Variants in OTOGL observed in about 807,000 individuals in gnomAD.
OTOGL encodes otogelin like.
OTOGL carries 285 observed loss-of-function variants against 318.5 expected under a neutral mutation model. That is an observed-to-expected ratio of 0.89 (90% confidence interval 0.81 to 0.99). The LOEUF (loss-of-function observed/expected upper bound fraction) is 0.99, where lower values mean the gene tolerates loss of function less well. OTOGL is among the 50% of genes least tolerant of loss of function. OTOGL has a pLI of 0.00. For synonymous variants in OTOGL, 987 were observed against 936.5 expected, an observed-to-expected ratio of 1.05 and a Z score of -0.99; for missense variants, 2,899 against 2,845.6, an observed-to-expected ratio of 1.02 and a Z score of -0.43.
chr12:80,197,164 C>T (rs553956970), intron 1 of OTOGL, among the ~76,000 whole-genome samples: 17 of 152,222 alleles, frequency 1.1e-4, no homozygotes, highest in African/African-American at 3.4e-4. Flanking sequence ...CTTGGTAGCC[C>T]GCCATTTCAA....
At chr12:80,208,273 G>A (rs374494271) in intron 1 of OTOGL, 46 of 507,420 alleles carry the variant, frequency 9.1e-5, no homozygotes, top group African/African-American at 8.6e-4. Flanking sequence ...ACAGGAAACT[G>A]TTTATATAAT....
At position 80,353,506 on chromosome 12, in the gene OTOGL, G is replaced by T; in HGVS notation, c.5589G>T (p.Glu1863Asp). ...PHSAQCIPEK[E>D]CACTDSEDQP... ...CAGCCCAGTGCATTCCAGAGAAAGAGTGTGGTAAGACACAAAGTACAAAAT... is the reference window on the plus strand; with the variant it reads ...CAGCCCAGTGCATTCCAGAGAAAGATTGTGGTAAGACACAAAGTACAAAAT... The change falls in exon 46 of 59, where the codon GAG becomes GAT. Residue 1863 changes from glutamate (E) to aspartate (D), a missense_variant. Physicochemically the swap from Glu to Asp is conservative, Grantham distance 45 (BLOSUM62 2). Transcript: ENST00000547103. 1 of 1,550,430 alleles carries T rather than the reference G, an allele frequency of 6.4e-7. No individual in the cohort carries two copies.
intron 26 of OTOGL, among the ~76,000 whole-genome samples, 166 bp from the exon 27 acceptor site, chr12:80,296,661 A>T (rs1343057305): frequency 6.6e-6 from 1 of 151,874 alleles, no homozygotes; most frequent in South Asian, 2.1e-4. Flanking sequence ...ATATTTCTAT[A>T]GACTTCTTCA....
intron 1 of OTOGL, among the ~76,000 whole-genome samples, chr12:80,181,853 A>T (rs1360680259): frequency 6.6e-6 from 1 of 152,196 alleles, no homozygotes; most frequent in Non-Finnish European, 1.5e-5. Context: ...ATTAGGGCCA[A>T]TGCCTGATTG....
rs1237096159 is a variant in OTOGL, at chr12:80,358,209, T to C, written c.6020-39T>C. 3.0e-6 allele frequency: 4 copies of C among 1,339,646 alleles called. No homozygotes were observed. The South Asian group carries it at 4.9e-5, about 16-fold the overall frequency. 83.0% of individuals were successfully genotyped at this position (1,339,646 alleles called of 1,614,324 possible). ...AACTCATATTATAATTCATGGTTTT[T>C]AGCTCAGCTGTGATTTTTGGCTTCT... On this transcript the variant is annotated intron_variant, in intron 49 of 58. Transcript: ENST00000547103.
intron 1 of OTOGL, among the ~76,000 whole-genome samples, chr12:80,105,953 A>G (rs1401030227): frequency 4.6e-5 from 7 of 152,230 alleles, no homozygotes; most frequent in African/African-American, 1.7e-4. Flanking sequence ...CGTTTCCATA[A>G]AAACATGAGC....
chr12:80,186,778 G>A lies in OTOGL; in HGVS notation c.-19-22635G>A, dbSNP rs115039348. Reference sequence around the variant, plus strand: ...GTACAGTGCCTTGCTTAAGAGTTCAGTTAAAAACTGTTTGAAGTTTTGCTT... The same window carrying A: ...GTACAGTGCCTTGCTTAAGAGTTCAATTAAAAACTGTTTGAAGTTTTGCTT... On this transcript the variant is annotated intron_variant, in intron 1 of 58. Transcript: ENST00000547103. Among the ~76,000 whole-genome samples, 842 of 152,052 alleles carry A rather than the reference G, an allele frequency of 5.5e-3. 11 individuals carry two copies. Among genetic ancestry groups the A allele is most frequent in the African/African-American group, 0.019 (802 of 41,448 alleles).
intron 1 of OTOGL, among the ~76,000 whole-genome samples, chr12:80,133,041 A>G (rs1257250344): frequency 2.6e-5 from 4 of 152,176 alleles, no homozygotes; most frequent in Non-Finnish European, 5.9e-5. Context: ...ACTTATTTTA[A>G]GTTTAAAATA....
intron 38 of OTOGL, 74 bp downstream of exon 38, chr12:80,333,152 C>A: frequency 7.4e-7 from 1 of 1,347,538 alleles, no homozygotes; most frequent in Non-Finnish European, 1.0e-6. Flanking sequence ...TGTCAATATC[C>A]AAATGCTACT....
chr12:80,324,277 G>T (rs1025442510), intron 35 of OTOGL, among the ~76,000 whole-genome samples: 2 of 152,204 alleles, frequency 1.3e-5, no homozygotes, highest in Non-Finnish European at 2.9e-5. Context: ...GTGACATCTG[G>T]TCAGAGATCT....
intron 7 of OTOGL, among the ~76,000 whole-genome samples, chr12:80,223,305 A>G (rs926430177): frequency 1.3e-5 from 2 of 151,828 alleles, no homozygotes; most frequent in South Asian, 2.1e-4. Flanking sequence ...TATATATATC[A>G]TATTTTCTTT....
intron 1 of OTOGL, among the ~76,000 whole-genome samples, chr12:80,175,340 G>A (rs990441807): frequency 7.2e-5 from 11 of 152,116 alleles, no homozygotes; most frequent in African/African-American, 2.4e-4. Context: ...AATAATAGTG[G>A]CATATTAAGA....
chr12:80,118,304 C>T (rs887623744), intron 1 of OTOGL, among the ~76,000 whole-genome samples: 2 of 152,186 alleles, frequency 1.3e-5, no homozygotes, highest in Non-Finnish European at 2.9e-5. Context: ...AGGTCTTTCT[C>T]TGCTGCCATC....
At chr12:80,358,203 G>C in intron 49 of OTOGL, 45 bp from the exon 50 acceptor site, 1 of 1,262,938 alleles carries the variant, frequency 7.9e-7, no homozygotes, top group African/African-American at 1.5e-5. Flanking sequence ...TATAATTCAT[G>C]GTTTTTAGCT....
chr12:80,308,028 C>A lies in OTOGL; in HGVS notation c.3333+2333C>A, dbSNP rs576156147. ...GGCGCCCCTCACCTGCCGGACGGGG[C>A]GGCTGGCCGCGCGGGGGGCTGATCC... On this transcript the variant is annotated intron_variant, in intron 29 of 58. Coordinates refer to ENST00000547103, the MANE Select transcript of OTOGL (RefSeq NM_001378609.3). Among the ~76,000 whole-genome samples, 3 of 139,998 alleles carry A rather than the reference C, an allele frequency of 2.1e-5. No homozygotes were observed. The East Asian group carries it at 6.8e-4, about 32-fold the overall frequency. 91.8% of individuals were successfully genotyped at this position (139,998 alleles called of 152,430 possible). A position where few individuals can be genotyped will look rare whatever the true frequency, so the allele number is the denominator to read the frequency against.
chr12:80,125,862 T>C (rs913622005), intron 1 of OTOGL, among the ~76,000 whole-genome samples: 1 of 152,226 alleles, frequency 6.6e-6, no homozygotes, highest in Non-Finnish European at 1.5e-5. Flanking sequence ...GTAGTTTTTA[T>C]TTCTGTGGGA....
chr12:80,251,606 T>A, intron 11 of OTOGL, 87 bp from the exon 12 acceptor site: 2 of 963,676 alleles, frequency 2.1e-6, no homozygotes, highest in Admixed American at 4.8e-5. Flanking sequence ...CATCATGCAC[T>A]CAGCATTTCT....
intron 31 of OTOGL, 108 bp from the exon 32 acceptor site, chr12:80,314,197 T>C (rs940730528): frequency 3.2e-5 from 11 of 342,868 alleles, no homozygotes; most frequent in African/African-American, 1.5e-4. Flanking sequence ...AATACCATTT[T>C]ATATTCTTTC....
chr12:80,202,474 T>C (rs1450079908), intron 1 of OTOGL, among the ~76,000 whole-genome samples: 1 of 152,108 alleles, frequency 6.6e-6, no homozygotes, highest in Admixed American at 6.6e-5. Flanking sequence ...GGTTTCACCA[T>C]GTTGGCCAGA....
Sources: gnomAD v4.1 joint callset for allele counts (sites outside exome capture counted in the v4.1 genomes callset) on GRCh38, gnomAD v4.1.1 for gene constraint, MANE v1.5 for transcripts, NCBI Gene and HGNC (gene_info 2026-07-23, HGNC 2026-07-21) for gene names.